Variants in CDH18 observed in about 807,000 individuals in gnomAD.
The protein encoded by CDH18 is cadherin-18.
Under a neutral mutation model 67.9 loss-of-function variants are expected in CDH18, and 31 were observed. The observed-to-expected ratio is 0.46, with a 90% CI of 0.34 to 0.62. CDH18 has a LOEUF of 0.62. Ranked by LOEUF, CDH18 falls within the 20% of genes least tolerant of loss-of-function variation. CDH18 has a pLI of 0.01. For missense variants in CDH18, 890 were observed against 975.5 expected, an observed-to-expected ratio of 0.91 and a Z score of 1.17; for synonymous variants, 362 against 347.2, an observed-to-expected ratio of 1.04 and a Z score of -0.48.
chr5:20,118,761 A>C (rs1748119687), intron 2 of CDH18, among the ~76,000 whole-genome samples: 1 of 152,120 alleles, frequency 6.6e-6, no homozygotes, highest in African/African-American at 2.4e-5. Flanking sequence ...CTGCCCAATA[A>C]GCCATCCTCC....
At chr5:20,477,630 C>A (rs529861630) in intron 1 of CDH18, among the ~76,000 whole-genome samples, 4 of 152,300 alleles carry the variant, frequency 2.6e-5, no homozygotes, top group Non-Finnish European at 4.4e-5. Context: ...GTGATGGGAA[C>A]CTGAGTTCCA....
chr5:19,954,072 C>A (rs1308647907), intron 2 of CDH18, among the ~76,000 whole-genome samples: 3 of 151,998 alleles, frequency 2.0e-5, no homozygotes, highest in African/African-American at 7.2e-5. Flanking sequence ...TCTTTGCATT[C>A]ATTTCAGGAC....
At chr5:20,521,675 C>T (rs1355056) in intron 1 of CDH18, among the ~76,000 whole-genome samples, 109,564 of 151,602 alleles carry the variant, frequency 0.72, 39,902 homozygotes, top group East Asian at 0.98. Context: ...ATGGCAAATG[C>T]GTTTGTAGGC....
chr5:20,172,505 G>A (rs1290882213), intron 2 of CDH18, among the ~76,000 whole-genome samples: 1 of 151,544 alleles, frequency 6.6e-6, no homozygotes, highest in African/African-American at 2.4e-5. Context: ...TAGTTTAAAT[G>A]ACAGAATTTA....
intron 3 of CDH18, among the ~76,000 whole-genome samples, chr5:19,798,391 T>G (rs1278705957): frequency 3.3e-5 from 5 of 152,036 alleles, no homozygotes; most frequent in Admixed American, 1.3e-4. Context: ...TCAATAAAAA[T>G]CTTCATTAAA....
chr5:19,748,111 T>TGAAAAAAAAAAAAAAAAA (rs1770320592), intron 3 of CDH18, among the ~76,000 whole-genome samples: 1 of 830 alleles, frequency 1.2e-3, no homozygotes, highest in Non-Finnish European at 0.019. Flanking sequence ...AGACTCCATC[T>TGAAAAAAAAAAAAAAAAA]CAAAAAAAAA....
At chr5:19,705,047 A>G (rs1333453392) in intron 5 of CDH18, among the ~76,000 whole-genome samples, 2 of 152,212 alleles carry the variant, frequency 1.3e-5, no homozygotes, top group African/African-American at 4.8e-5. Context: ...TTCACTGGAA[A>G]GTGTTGCCAC....
chr5:19,753,134 CA>C (rs1771080044), intron 3 of CDH18, among the ~76,000 whole-genome samples: 1 of 152,066 alleles, frequency 6.6e-6, no homozygotes, highest in Admixed American at 6.6e-5. Flanking sequence ...TTAACACCCC[CA>C]AAAATCCTAC....
intron 1 of CDH18, among the ~76,000 whole-genome samples, chr5:19,985,243 A>G (rs1298593089): frequency 6.6e-6 from 1 of 152,104 alleles, no homozygotes; most frequent in Non-Finnish European, 1.5e-5. Context: ...AAAACCATTC[A>G]TTATCAAAGC....
chr5:20,038,332 C>A (rs150476526), intron 2 of CDH18, among the ~76,000 whole-genome samples: 1 of 152,266 alleles, frequency 6.6e-6, no homozygotes, highest in South Asian at 2.1e-4. Flanking sequence ...AAGAGGGACT[C>A]ATCCCTAACT....
At chr5:20,525,835 G>A (rs1756018496) in intron 1 of CDH18, among the ~76,000 whole-genome samples, 1 of 150,328 alleles carries the variant, frequency 6.7e-6, no homozygotes, top group African/African-American at 2.4e-5. Context: ...CACACACATT[G>A]AGCCAGGACC....
At chr5:19,909,692 C>CA (rs112131863) in intron 2 of CDH18, among the ~76,000 whole-genome samples, 82 of 149,064 alleles carry the variant, frequency 5.5e-4, no homozygotes, top group Middle Eastern at 3.6e-3. Context: ...GGTCAAATGG[C>CA]AAAAAAAAAA....
chr5:20,241,320 A>G (rs1742877106), intron 2 of CDH18, among the ~76,000 whole-genome samples: 1 of 152,098 alleles, frequency 6.6e-6, no homozygotes, highest in African/African-American at 2.4e-5. Context: ...TGACATCAAA[A>G]CCTAGCTTCA....
At chr5:20,368,127 A>G (rs1161843081) in intron 1 of CDH18, among the ~76,000 whole-genome samples, 1 of 152,220 alleles carries the variant, frequency 6.6e-6, no homozygotes, top group South Asian at 2.1e-4. Context: ...TCATTATAGC[A>G]AATATTGAAA....
At chr5:20,509,708 C>T (rs867576124) in intron 1 of CDH18, among the ~76,000 whole-genome samples, 1 of 152,198 alleles carries the variant, frequency 6.6e-6, no homozygotes, top group Non-Finnish European at 1.5e-5. Flanking sequence ...CATGAGCCAT[C>T]ATGCCCAGCC....
At chr5:20,271,777 T>G (rs1225344318) in intron 1 of CDH18, among the ~76,000 whole-genome samples, 1 of 152,028 alleles carries the variant, frequency 6.6e-6, no homozygotes, top group African/African-American at 2.4e-5. Flanking sequence ...CTGTGAGAAA[T>G]AAATTTCTGT....
At chr5:19,869,132 G>A (rs972361836) in intron 2 of CDH18, among the ~76,000 whole-genome samples, 1 of 152,086 alleles carries the variant, frequency 6.6e-6, no homozygotes, top group Non-Finnish European at 1.5e-5. Flanking sequence ...ACACTAGAAT[G>A]CCTTCTTAGT....
At chr5:19,515,106 C>A (rs1486068857) in intron 10 of CDH18, among the ~76,000 whole-genome samples, 1 of 152,144 alleles carries the variant, frequency 6.6e-6, no homozygotes, top group African/African-American at 2.4e-5. Context: ...AACAGGGAAT[C>A]ATTTCCCCAT....
intron 5 of CDH18, among the ~76,000 whole-genome samples, chr5:19,634,269 T>C (rs1752796832): frequency 6.6e-6 from 1 of 152,206 alleles, no homozygotes; most frequent in Non-Finnish European, 1.5e-5. Flanking sequence ...AGATGATGCT[T>C]TCTTTTCTTT....
Sources: gnomAD v4.1 joint callset for allele counts (sites outside exome capture counted in the v4.1 genomes callset) on GRCh38, gnomAD v4.1.1 for gene constraint, MANE v1.5 for transcripts, NCBI Gene and HGNC (gene_info 2026-07-23, HGNC 2026-07-21) for gene names.